The following POU6F2 variants were observed in gnomAD, a reference collection of about 807,000 sequenced individuals.
POU6F2 encodes POU domain, class 6, transcription factor 2.
POU6F2 carries 31 observed loss-of-function variants against 71.3 expected under a neutral mutation model. That is an observed-to-expected ratio of 0.43 (90% confidence interval 0.33 to 0.59). The LOEUF is 0.59. Ranked by LOEUF, POU6F2 falls within the 20% of genes least tolerant of loss-of-function variation. The pLI is 0.04. For synonymous variants in POU6F2, 347 were observed against 355.7 expected, an observed-to-expected ratio of 0.98 and a Z score of 0.27; for missense variants, 783 against 856.8, an observed-to-expected ratio of 0.91 and a Z score of 1.07.
chr7:39,286,247 A>G (rs1784648096), intron 4 of POU6F2, among the ~76,000 whole-genome samples: 1 of 152,220 alleles, frequency 6.6e-6, no homozygotes, highest in Non-Finnish European at 1.5e-5. Context: ...CAAAGACTCT[A>G]GAGCTGTTAA....
chr7:39,303,049 A>C (rs1022464616), intron 4 of POU6F2, among the ~76,000 whole-genome samples: 2 of 152,214 alleles, frequency 1.3e-5, no homozygotes, highest in African/African-American at 4.8e-5. Context: ...TGGGGATTCC[A>C]CTTGGAGAAT....
At chr7:39,107,683 G>A (rs878864287) in intron 2 of POU6F2, among the ~76,000 whole-genome samples, 16 of 151,892 alleles carry the variant, frequency 1.1e-4, no homozygotes, top group Admixed American at 5.2e-4. Flanking sequence ...ACCACCCCCC[G>A]CCCCCTACAA....
At chr7:39,080,059 T>C (rs1791085110) in intron 1 of POU6F2, among the ~76,000 whole-genome samples, 1 of 152,170 alleles carries the variant, frequency 6.6e-6, no homozygotes, top group Non-Finnish European at 1.5e-5. Flanking sequence ...CTACAATAAA[T>C]ACGTATACTT....
intron 4 of POU6F2, among the ~76,000 whole-genome samples, chr7:39,253,035 C>G (rs934298392): frequency 1.3e-5 from 2 of 152,220 alleles, no homozygotes; most frequent in Non-Finnish European, 2.9e-5. Context: ...AGACACCTCT[C>G]ATAGTGGGCA....
At chr7:39,013,790 G>C (rs192940524) in intron 1 of POU6F2, among the ~76,000 whole-genome samples, 1 of 152,144 alleles carries the variant, frequency 6.6e-6, no homozygotes, top group East Asian at 1.9e-4. Context: ...TCAATGAGTG[G>C]AGGAAATAGT....
intron 2 of POU6F2, among the ~76,000 whole-genome samples, chr7:39,088,800 C>A (rs989143111): frequency 7.9e-5 from 12 of 152,050 alleles, no homozygotes; most frequent in Admixed American, 7.9e-4. Context: ...TTCTTTGAAG[C>A]CTCTTCTCCC....
intron 2 of POU6F2, among the ~76,000 whole-genome samples, chr7:39,142,124 C>T (rs1584564642): frequency 6.6e-6 from 1 of 152,034 alleles, no homozygotes; most frequent in Admixed American, 6.6e-5. Context: ...AATATTGTCA[C>T]ACCAAACCAA....
intron 6 of POU6F2, among the ~76,000 whole-genome samples, chr7:39,417,405 T>G (rs2115944535): frequency 6.6e-6 from 1 of 152,282 alleles, no homozygotes; most frequent in South Asian, 2.1e-4. Context: ...CCAGATTAAG[T>G]TCAAATGTAG....
intron 1 of POU6F2, among the ~76,000 whole-genome samples, chr7:38,994,559 G>A (rs1276014409): frequency 6.6e-6 from 1 of 152,136 alleles, no homozygotes. Context: ...TCCTCACCAT[G>A]CCCGTGACAG....
chr7:39,002,330 AC>A (rs1295119911), intron 1 of POU6F2, among the ~76,000 whole-genome samples: 1 of 136,230 alleles, frequency 7.3e-6, no homozygotes, highest in Non-Finnish European at 1.7e-5. Context: ...TTAGTGATTT[AC>A]AAGTTTTGTT....
intron 1 of POU6F2, among the ~76,000 whole-genome samples, chr7:39,019,084 TTTGTTATTG>T (rs1267690472): frequency 1.3e-5 from 2 of 152,168 alleles, no homozygotes; most frequent in Non-Finnish European, 2.9e-5. Context: ...ACATCCCATT[TTTGTTATTG>T]TTGTTATTTG....
At chr7:39,107,730 T>C (rs1791720844) in intron 2 of POU6F2, among the ~76,000 whole-genome samples, 2 of 152,022 alleles carry the variant, frequency 1.3e-5, no homozygotes, top group African/African-American at 4.8e-5. Flanking sequence ...CTTATTGCCC[T>C]TGGGCCCTTG....
At chr7:39,416,818 A>AAAAAAAAAAG (rs1787688940) in intron 6 of POU6F2, among the ~76,000 whole-genome samples, 1 of 152,166 alleles carries the variant, frequency 6.6e-6, no homozygotes, top group African/African-American at 2.4e-5. Flanking sequence ...AAAATGTAAA[A>AAAAAAAAAAG]AAAAAAAAGA....
intron 1 of POU6F2, among the ~76,000 whole-genome samples, chr7:39,008,334 A>C (rs1200080720): frequency 6.6e-6 from 1 of 152,064 alleles, no homozygotes; most frequent in Non-Finnish European, 1.5e-5. Context: ...TCTTTTGAGA[A>C]GTGTCTGTTC....
At chr7:39,438,253 A>G (rs539283017) in intron 7 of POU6F2, among the ~76,000 whole-genome samples, 1 of 152,256 alleles carries the variant, frequency 6.6e-6, no homozygotes, top group South Asian at 2.1e-4. Context: ...AGCTTCATCC[A>G]TGTCCCTACA....
chr7:39,008,604 A>G (rs2128702246), intron 1 of POU6F2, among the ~76,000 whole-genome samples: 1 of 151,696 alleles, frequency 6.6e-6, no homozygotes, highest in South Asian at 2.1e-4. Context: ...GCCCATGCCT[A>G]TGTCCTGAAT....
intron 8 of POU6F2, among the ~76,000 whole-genome samples, chr7:39,454,680 AT>A (rs548064537): frequency 1.9e-4 from 2 of 10,666 alleles, no homozygotes; most frequent in African/African-American, 8.0e-4. Context: ...ATATATATAT[AT>A]ATATATATAT....
intron 1 of POU6F2, among the ~76,000 whole-genome samples, chr7:39,061,796 A>G (rs1790662252): frequency 6.6e-6 from 1 of 152,178 alleles, no homozygotes; most frequent in Non-Finnish European, 1.5e-5. Flanking sequence ...GGCTCGCTTC[A>G]TTCATTTTTC....
rs1015105131 is a variant in POU6F2 at position 39,093,356 on chromosome 7, A to T, written c.277+7325A>T. Among the ~76,000 whole-genome samples the T allele has an allele frequency of 1.6e-4, 24 of 152,220 alleles. 1 individual carries two copies. The highest frequency in any genetic ancestry group is 4.6e-4 in the African/African-American group (19 of 41,580). On this transcript the variant is annotated intron_variant, in intron 2 of 9. Coordinates refer to ENST00000518318, the MANE Select transcript of POU6F2 (RefSeq NM_001370959.1). Reference sequence around the variant, plus strand: ...ATTTGAAAATGGGACTGTATAATGAAATCTGCATTCATTAAGATGGTTAAA... The same window carrying T: ...ATTTGAAAATGGGACTGTATAATGATATCTGCATTCATTAAGATGGTTAAA...
Sources: gnomAD v4.1 joint callset for allele counts (sites outside exome capture counted in the v4.1 genomes callset) on GRCh38, gnomAD v4.1.1 for gene constraint, MANE v1.5 for transcripts, NCBI Gene and HGNC (gene_info 2026-07-23, HGNC 2026-07-21) for gene names.